The following MACF1 variants were observed in gnomAD, a reference collection of about 807,000 sequenced individuals.
MACF1 encodes the protein microtubule-actin cross-linking factor 1.
In MACF1, 193 loss-of-function variants were observed where a neutral mutation model predicts 854.8. The observed-to-expected ratio is 0.23, with a 90% CI of 0.20 to 0.25. The LOEUF (loss-of-function observed/expected upper bound fraction) is 0.25, where lower values mean the gene tolerates loss of function less well. MACF1 is among the 10% of genes least tolerant of loss of function. The pLI, the probability that MACF1 is intolerant of heterozygous loss-of-function variation, is 1.00. For missense variants in MACF1, 7,722 were observed against 8,929.1 expected (o/e 0.86, Z 5.45); for synonymous variants, 3,185 against 3,226.7 (o/e 0.99, Z 0.44).
At chr1:39,478,295 G>A (rs1644949014) in intron 97 of MACF1, among the ~76,000 whole-genome samples, 1 of 152,132 alleles carries the variant, frequency 6.6e-6, no homozygotes, top group Admixed American at 6.5e-5. Flanking sequence ...GAGCCACTTC[G>A]CCCGGCCAAG....
chr1:39,200,070 C>G (rs1011576007), upstream of MACF1, among the ~76,000 whole-genome samples: 4 of 152,174 alleles, frequency 2.6e-5, no homozygotes, highest in Admixed American at 2.6e-4. Context: ...TCCAGTCAGG[C>G]TTTTTCTCTA....
intron 6 of MACF1, among the ~76,000 whole-genome samples, chr1:39,281,860 G>A (rs190468725): frequency 6.6e-6 from 1 of 152,248 alleles, no homozygotes; most frequent in Non-Finnish European, 1.5e-5. Flanking sequence ...CAAGTTGTAT[G>A]TATGTTTTAA....
intron 52 of MACF1, among the ~76,000 whole-genome samples, chr1:39,377,601 T>G (rs146209897): frequency 1.5e-3 from 218 of 150,004 alleles, no homozygotes; most frequent in African/African-American, 5.0e-3. Context: ...AGGATTTCTG[T>G]TTTTTCTTGG....
At chr1:39,223,991 G>C (rs1211007729) in intron 1 of MACF1, among the ~76,000 whole-genome samples, 2 of 152,162 alleles carry the variant, frequency 1.3e-5, no homozygotes, top group Admixed American at 1.3e-4. Flanking sequence ...AGTTGAGTTT[G>C]AGATGAGCAT....
chr1:39,285,449 C>T (rs1645623716), intron 13 of MACF1, 59 bp downstream of exon 13: 10 of 1,583,598 alleles, frequency 6.3e-6, no homozygotes, highest in South Asian at 2.2e-5. Flanking sequence ...TTCTCACCCT[C>T]TGCTCTAATT....
intron 6 of MACF1, chr1:39,269,828 C>T (rs886805476): frequency 9.9e-6 from 9 of 906,354 alleles, no homozygotes; most frequent in Non-Finnish European, 1.3e-5. Flanking sequence ...GCCTCTCAAA[C>T]TTACCCCCAT....
At chr1:39,135,628 T>A (rs1432115723) in intron 2 of MACF1, among the ~76,000 whole-genome samples, 1 of 152,156 alleles carries the variant, frequency 6.6e-6, no homozygotes, top group African/African-American at 2.4e-5. Context: ...AACAATATCC[T>A]TGTTTGTGTG....
In MACF1 at chr1:39,382,016, C is replaced by T; in HGVS notation, c.13712C>T (p.Ala4571Val). Residue 4571 changes from alanine to valine, a missense_variant, in exon 56 of 101, where the codon GCA (alanine) becomes GTA (valine). Physicochemically the swap from Ala to Val is moderately conservative, Grantham distance 64. Transcript: ENST00000564288. The stretch of plus-strand genomic sequence containing the variant: ...CGGCAAAGGCAGCTAGAGGAATCTG[C>T]AAGTCATCTGGCCTGCTTCCAGGCT... ...VARQRQLEES[A>V]SHLACFQAAE... is the part of the protein sequence containing the mutation. 1.2e-6 allele frequency: 2 copies of T among 1,614,176 alleles called. No homozygotes were observed. Among genetic ancestry groups the T allele is most frequent in the African/African-American group, 2.7e-5 (2 of 75,062 alleles).
Position 39,283,151 on chromosome 1 carries a change from G to A in MACF1, c.696-38G>A, listed in dbSNP as rs376163530. The A allele has an allele frequency of 1.1e-4, 147 of 1,283,826 alleles. No homozygotes were observed. The highest frequency in any genetic ancestry group is 2.5e-4 in the Admixed American group (15 of 59,020). The allele number at this position is 1,283,826 out of a possible 1,614,324, so 79.5% of individuals were successfully genotyped here. On this transcript the variant is annotated intron_variant, in intron 7 of 100. Transcript: ENST00000564288. This position sits in a 1 kb window ranked among gnomAD's most constrained non-coding sequence, Gnocchi z 4.5. ...TGTGTAAACTCATGTGTGATGTGTA[G>A]ATGGTGGCGTTTCATGTGCCTTGCT...
intron 17 of MACF1, among the ~76,000 whole-genome samples, chr1:39,293,146 A>T (rs1309176349): frequency 6.6e-6 from 1 of 152,198 alleles, no homozygotes; most frequent in East Asian, 1.9e-4. Context: ...AGATTTGTAG[A>T]GAGGGGACTT....
chr1:39,458,695 A>AT (rs1644491542), intron 90 of MACF1: 1 of 631,384 alleles, frequency 1.6e-6, no homozygotes, highest in African/African-American at 1.8e-5. Flanking sequence ...TTGGTATGAA[A>AT]TTACGAGGTG....
chr1:39,218,216 G>A (rs1317916011), intron 1 of MACF1, among the ~76,000 whole-genome samples: 1 of 145,690 alleles, frequency 6.9e-6, no homozygotes, highest in Non-Finnish European at 1.5e-5. Flanking sequence ...CTTCCCAGAT[G>A]ATTTTGAGAT....
chr1:39,084,468 C>T lies in MACF1; in HGVS notation c.220+30C>T. 6.3e-7 allele frequency: 1 copy of T among 1,583,296 alleles called. No individual in the cohort carries two copies. The highest frequency in any genetic ancestry group is 8.6e-7 in the Non-Finnish European group (1 of 1,168,798). On this transcript the variant is annotated intron_variant, in intron 2 of 93. Coordinates refer to the MACF1 transcript ENST00000361689. This position sits in a 1 kb window ranked among gnomAD's most constrained non-coding sequence, Gnocchi z 5.2. ...GAGAGGTCCCCCAGCAGGCTGGACG[C>T]TGTGGGTGTGAGGGAGGAATGGGCC...
intron 4 of MACF1, among the ~76,000 whole-genome samples, chr1:39,252,527 G>T (rs1373957118): frequency 6.6e-6 from 1 of 152,152 alleles, no homozygotes; most frequent in African/African-American, 2.4e-5. Flanking sequence ...GTACATATGA[G>T]TAAAGATTAG....
intron 2 of MACF1, among the ~76,000 whole-genome samples, chr1:39,088,300 G>A (rs1430043393): frequency 6.6e-6 from 1 of 152,066 alleles, no homozygotes; most frequent in East Asian, 1.9e-4. Context: ...TGTTGGTCAG[G>A]CTGGTCTTGA....
At chr1:39,443,253 T>C (rs1300330281) in intron 78 of MACF1, among the ~76,000 whole-genome samples, 193 bp from the exon 79 acceptor site, 4 of 152,224 alleles carry the variant, frequency 2.6e-5, no homozygotes, top group Non-Finnish European at 5.9e-5. Flanking sequence ...TAATATGTTA[T>C]AGTGAGGTCT....
intron 56 of MACF1, 25 bp from the exon 57 acceptor site, chr1:39,385,409 C>G: frequency 6.2e-7 from 1 of 1,608,250 alleles, no homozygotes; most frequent in Non-Finnish European, 8.5e-7. Context: ...CCTGTCTAAA[C>G]ATCTTGGTGT....
chr1:39,448,542 C>G, intron 83 of MACF1, 52 bp from the exon 84 acceptor site: 1 of 1,397,014 alleles, frequency 7.2e-7, no homozygotes, highest in Non-Finnish European at 9.5e-7. Flanking sequence ...TGTTCCAAAT[C>G]AAGATGTCGT....
At position 39,351,256 on chromosome 1, in the gene MACF1, C is replaced by T. The variant is rs991876141; in HGVS notation, c.11199+238C>T. On this transcript the variant is annotated intron_variant, in intron 43 of 100. Transcript: ENST00000564288. ...CTGCCTGCCAGGTTCAAGTGATTCT[C>T]CTGCCTCAGCTTCAGCCTCCCAAGT... Among the ~76,000 whole-genome samples, 11 of 152,220 alleles carry T rather than the reference C, an allele frequency of 7.2e-5. No individual in the cohort carries two copies. The South Asian group carries it at 1.2e-3, about 17-fold the overall frequency.
Sources: allele counts gnomAD v4.1 joint callset (sites outside exome capture counted in the v4.1 genomes callset), GRCh38; gene constraint gnomAD v4.1.1; non-coding constraint Gnocchi (gnomAD v3.1); transcripts MANE v1.5; gene names NCBI Gene and HGNC (gene_info 2026-07-23, HGNC 2026-07-21).